ACBD6: variants seen among roughly 807,000 people sequenced by gnomAD.
The protein encoded by ACBD6 is acyl-CoA binding domain containing 6, also known as acyl-CoA-binding domain-containing protein 6.
ACBD6 carries 28 observed loss-of-function variants against 37.2 expected under a neutral mutation model. That is an observed-to-expected ratio of 0.75 (90% confidence interval 0.56 to 1.03). The LOEUF is 1.03. Among genes scored for constraint, ACBD6 ranks in the 50% least tolerant of loss-of-function variants. The pLI is 0.00. For missense variants in ACBD6, 340 were observed against 337.4 expected, an observed-to-expected ratio of 1.01 and a Z score of -0.06; for synonymous variants, 113 against 126.8, an observed-to-expected ratio of 0.89 and a Z score of 0.73.
intron 5 of ACBD6, among the ~76,000 whole-genome samples, chr1:180,405,746 G>A (rs1226828235): frequency 6.6e-6 from 1 of 152,102 alleles, no homozygotes; most frequent in Non-Finnish European, 1.5e-5. Flanking sequence ...CCTGATGTTT[G>A]ATAGCAAATA....
intron 5 of ACBD6, among the ~76,000 whole-genome samples, chr1:180,405,932 CTTT>C (rs1647606332): frequency 6.6e-6 from 1 of 152,126 alleles, no homozygotes; most frequent in Non-Finnish European, 1.5e-5. Flanking sequence ...AAGATCTTCT[CTTT>C]AACTTTTCCC....
chr1:180,355,870 TA>T (rs1276415378), intron 6 of ACBD6, among the ~76,000 whole-genome samples: 1 of 111,262 alleles, frequency 9.0e-6, no homozygotes, highest in Admixed American at 8.9e-5. Flanking sequence ...CATATTGCTA[TA>T]ATTTTTTTTT....
chr1:180,328,242 T>A (rs1395407750), intron 6 of ACBD6, among the ~76,000 whole-genome samples: 1 of 148,438 alleles, frequency 6.7e-6, no homozygotes, highest in Non-Finnish European at 1.5e-5. Context: ...CACATATATG[T>A]ATATATACAT....
chr1:180,492,314 T>C lies in ACBD6; in HGVS notation c.339A>G (p.Glu113=), dbSNP rs772673090. The part of the protein sequence containing the change: ...GDSSPSQAMQ[E]YIAVVKKLDP... Reference sequence around the variant, plus strand: ...CTAGTTTTTTAACTACTGCGATATATTCCTGCATTGCTTGGCTGGGGCTTG... The same window carrying C: ...CTAGTTTTTTAACTACTGCGATATACTCCTGCATTGCTTGGCTGGGGCTTG... Residue 113 remains glutamate, a synonymous_variant, in exon 3 of 8, where the codon GAA becomes GAG. Transcript: ENST00000367595. 1.1e-5 allele frequency: 18 copies of C among 1,614,026 alleles called. No homozygotes were observed. The highest frequency in any genetic ancestry group is 1.6e-4 in the Middle Eastern group (1 of 6,082).
At chr1:180,424,451 G>GA (rs1557864194) in intron 4 of ACBD6, among the ~76,000 whole-genome samples, 1 of 151,972 alleles carries the variant, frequency 6.6e-6, no homozygotes, top group African/African-American at 2.4e-5. Context: ...GAACTTCAAG[G>GA]AAAAAAATAA....
At chr1:180,321,028 C>T (rs567737192) in intron 6 of ACBD6, among the ~76,000 whole-genome samples, 3 of 152,188 alleles carry the variant, frequency 2.0e-5, no homozygotes, top group South Asian at 4.2e-4. Flanking sequence ...GTTTTCCCAG[C>T]ACCGTTTATT....
At chr1:180,331,801 T>C (rs6675208) in intron 6 of ACBD6, among the ~76,000 whole-genome samples, 6,629 of 152,290 alleles carry the variant, frequency 0.044, 461 homozygotes, top group African/African-American at 0.14. Flanking sequence ...TTCATGTTAA[T>C]AAATGGTATG....
At chr1:180,272,745 C>T (rs570255219) in intron 12 of ACBD6, 1 of 152,346 alleles carries the variant, frequency 6.6e-6, no homozygotes, top group Admixed American at 6.5e-5. Context: ...GACCTGGTTT[C>T]CAGTGCAGCT....
At chr1:180,479,502 G>C (rs1026337121) in intron 3 of ACBD6, among the ~76,000 whole-genome samples, 1 of 152,072 alleles carries the variant, frequency 6.6e-6, no homozygotes, top group African/African-American at 2.4e-5. Flanking sequence ...GGGCAAGTAG[G>C]GGGAAGAGGG....
At chr1:180,499,458 A>T (rs188409571) in intron 1 of ACBD6, among the ~76,000 whole-genome samples, 35 of 152,338 alleles carry the variant, frequency 2.3e-4, no homozygotes, top group Admixed American at 1.2e-3. Context: ...TCCCTCCTTC[A>T]TATTATCTGG....
In ACBD6 at chr1:180,469,338, T is replaced by G. The variant is rs190857730; in HGVS notation, c.384+22931A>C. On this transcript the variant is annotated intron_variant, in intron 3 of 7. Transcript: ENST00000367595. ...AAAGCTGTAAAGTTAGTAATATTTT[T>G]GGTCTTGAATTAGAAATTGTGTCAA... 4.7e-3 allele frequency among the ~76,000 whole-genome samples: 714 copies of G among 152,336 alleles called. 4 individuals are homozygous for G. The highest frequency in any genetic ancestry group is 0.016 in the African/African-American group (676 of 41,574).
intron 6 of ACBD6, among the ~76,000 whole-genome samples, chr1:180,315,660 G>A (rs1294305743): frequency 1.3e-5 from 2 of 152,070 alleles, no homozygotes; most frequent in East Asian, 1.9e-4. Flanking sequence ...GAACTTTTTG[G>A]CAATGGGTCT....
intron 6 of ACBD6, among the ~76,000 whole-genome samples, chr1:180,316,949 A>T (rs1650837303): frequency 6.6e-6 from 1 of 152,108 alleles, no homozygotes; most frequent in Middle Eastern, 3.2e-3. Flanking sequence ...GATAGAAAGG[A>T]CTCTATAAGA....
intron 6 of ACBD6, among the ~76,000 whole-genome samples, chr1:180,388,214 T>TCA (rs1478805723): frequency 6.6e-6 from 1 of 150,448 alleles, no homozygotes; most frequent in Non-Finnish European, 1.5e-5. Flanking sequence ...CCCAGAGAAA[T>TCA]CACCACAGGG....
chr1:180,435,696 T>TA, intron 3 of ACBD6: 1 of 875,352 alleles, frequency 1.1e-6, no homozygotes, highest in Admixed American at 1.7e-5. Flanking sequence ...AACAAGAAGT[T>TA]AGAGACCGCT....
Position 180,430,193 on chromosome 1 carries a change from C to G in ACBD6, c.454G>C (p.Glu152Gln), listed in dbSNP as rs1283898189. ...AAGAGAAATTACCTGATGGTTTCTT[C>G]ATGATATAGAGAACTAATAACTGGC... The part of the protein sequence containing the change: ...GGPVISSLYH[E>Q]ETIREEDKNI... The change falls in exon 4 of 8, where the codon GAA becomes CAA. Residue 152 changes from glutamate (E) to glutamine (Q), a missense_variant. Transcript: ENST00000367595. 1 of 1,612,848 alleles carries G rather than the reference C, an allele frequency of 6.2e-7. No homozygotes were observed. The highest frequency in any genetic ancestry group is 8.5e-7 in the Non-Finnish European group (1 of 1,179,318).
chr1:180,430,807 C>T (rs1157380469), intron 3 of ACBD6, among the ~76,000 whole-genome samples: 2 of 151,974 alleles, frequency 1.3e-5, no homozygotes, highest in Non-Finnish European at 2.9e-5. Flanking sequence ...GAAATACTTT[C>T]CAAACTCAAG....
chr1:180,404,440 T>C (rs996652420), intron 5 of ACBD6, among the ~76,000 whole-genome samples: 2 of 151,978 alleles, frequency 1.3e-5, no homozygotes, highest in Non-Finnish European at 2.9e-5. Context: ...ACTTGGCTCA[T>C]GTGAAAAAAA....
chr1:180,445,449 T>C (rs564117853), intron 3 of ACBD6, among the ~76,000 whole-genome samples: 2 of 152,212 alleles, frequency 1.3e-5, no homozygotes, highest in African/African-American at 4.8e-5. Context: ...ACTATCCAAC[T>C]TCCACTTCAA....
Sources: gnomAD v4.1 joint callset for allele counts (sites outside exome capture counted in the v4.1 genomes callset) on GRCh38, gnomAD v4.1.1 for gene constraint, MANE v1.5 for transcripts, NCBI Gene and HGNC (gene_info 2026-07-23, HGNC 2026-07-21) for gene names.